The following RIMS1 variants were observed in gnomAD, a reference collection of about 807,000 sequenced individuals.
RIMS1 encodes the protein regulating synaptic membrane exocytosis protein 1.
RIMS1 carries 83 observed loss-of-function variants against 214.1 expected under a neutral mutation model. That is an observed-to-expected ratio of 0.39 (90% confidence interval 0.32 to 0.47). RIMS1 has a LOEUF of 0.47. Ranked by LOEUF, RIMS1 falls within the 20% of genes least tolerant of loss-of-function variation. RIMS1 has a pLI of 0.99. For synonymous variants in RIMS1, 793 were observed against 786.8 expected, an observed-to-expected ratio of 1.01 and a Z score of -0.13; for missense variants, 2,050 against 2,161.8, an observed-to-expected ratio of 0.95 and a Z score of 1.03.
intron 19 of RIMS1, chr6:72,261,011 G>T: frequency 7.8e-7 from 1 of 1,287,328 alleles, no homozygotes; most frequent in Non-Finnish European, 9.9e-7. Context: ...GGCCTCTCTG[G>T]GACTGTTTGC....
At chr6:72,381,899 A>C (rs1014318616) in intron 29 of RIMS1, among the ~76,000 whole-genome samples, 9 of 152,254 alleles carry the variant, frequency 5.9e-5, no homozygotes, top group Non-Finnish European at 1.2e-4. Flanking sequence ...AGTACATTGT[A>C]ACAAAATAAA....
chr6:72,247,535 CAAA>C (rs10717559), intron 11 of RIMS1, among the ~76,000 whole-genome samples: 7 of 104,000 alleles, frequency 6.7e-5, no homozygotes, highest in Admixed American at 1.0e-4. Flanking sequence ...AACTCTGTCT[CAAA>C]AAAAAAAAAA....
intron 22 of RIMS1, 197 bp downstream of exon 22, chr6:72,266,246 A>G (rs2080476269): frequency 1.7e-6 from 1 of 592,940 alleles, no homozygotes; most frequent in East Asian, 2.9e-5. Flanking sequence ...GTACACATAC[A>G]CATATTTCTA....
At chr6:72,231,362 T>C (rs1589796612) in intron 6 of RIMS1, among the ~76,000 whole-genome samples, 1 of 151,646 alleles carries the variant, frequency 6.6e-6, no homozygotes, top group East Asian at 1.9e-4. Flanking sequence ...AAGAAAACTA[T>C]TAGCCATTCA....
intron 29 of RIMS1, among the ~76,000 whole-genome samples, chr6:72,340,792 T>C (rs1433452710): frequency 6.6e-6 from 1 of 152,076 alleles, no homozygotes; most frequent in East Asian, 1.9e-4. Flanking sequence ...ATATGAACTT[T>C]AAAGTAGTTT....
chr6:72,288,272 G>A (rs959077192), intron 24 of RIMS1, among the ~76,000 whole-genome samples: 5 of 152,004 alleles, frequency 3.3e-5, no homozygotes, highest in African/African-American at 9.7e-5. Context: ...TAGTAATAAC[G>A]CTTCTTAGTG....
intron 2 of RIMS1, among the ~76,000 whole-genome samples, chr6:72,056,638 G>T (rs565738961): frequency 1.3e-5 from 2 of 152,090 alleles, no homozygotes; most frequent in African/African-American, 2.4e-5. Flanking sequence ...CCAGCCCTAT[G>T]AGTGCTGCAT....
intron 26 of RIMS1, among the ~76,000 whole-genome samples, chr6:72,303,100 C>A (rs2094796014): frequency 2.0e-5 from 3 of 150,784 alleles, no homozygotes; most frequent in Admixed American, 2.0e-4. Flanking sequence ...AAATTATAAG[C>A]GTTCTAAACT....
At chr6:71,901,642 G>C (rs1773654956) in intron 1 of RIMS1, among the ~76,000 whole-genome samples, 1 of 152,006 alleles carries the variant, frequency 6.6e-6, no homozygotes, top group Non-Finnish European at 1.5e-5. Context: ...GCTGGAAAGG[G>C]GTAGGAGGTG....
intron 2 of RIMS1, among the ~76,000 whole-genome samples, chr6:72,071,722 G>A (rs1830623137): frequency 6.6e-6 from 1 of 152,118 alleles, no homozygotes; most frequent in African/African-American, 2.4e-5. Flanking sequence ...ATAAAATAAG[G>A]AATAGAAAGA....
At chr6:72,321,061 A>G (rs2096130309) in intron 28 of RIMS1, among the ~76,000 whole-genome samples, 2 of 152,058 alleles carry the variant, frequency 1.3e-5, no homozygotes, top group Non-Finnish European at 2.9e-5. Flanking sequence ...CTAACTGTAT[A>G]CGTACTACTT....
chr6:71,952,928 CT>C (rs1790075187), intron 1 of RIMS1, among the ~76,000 whole-genome samples: 1 of 151,572 alleles, frequency 6.6e-6, no homozygotes. Context: ...TCAGGTTTGT[CT>C]CACAGTAATG....
At position 72,333,717 on chromosome 6, in the gene RIMS1, A is replaced by C; in HGVS notation, c.4248A>C (p.Ser1416=). The change falls in exon 29 of 34, where the codon TCA becomes TCC. Residue 1416 remains serine (S), a synonymous_variant. Transcript: ENST00000521978. The part of the protein sequence containing the change: ...YTLEHNDGSQ[S]DTAVGTVGAG... ...TGGAGCATAATGACGGCAGCCAGTCAGACACAGCTGTGGGTACAGTTGGAG... is the reference window on the plus strand; with the variant it reads ...TGGAGCATAATGACGGCAGCCAGTCCGACACAGCTGTGGGTACAGTTGGAG... 6.3e-7 allele frequency: 1 copy of C among 1,597,854 alleles called. No individual in the cohort carries two copies. Among genetic ancestry groups the C allele is most frequent in the Non-Finnish European group, 8.5e-7 (1 of 1,172,092 alleles).
At chr6:71,999,031 G>A (rs1004912405) in intron 2 of RIMS1, among the ~76,000 whole-genome samples, 1 of 151,838 alleles carries the variant, frequency 6.6e-6, no homozygotes, top group African/African-American at 2.4e-5. Flanking sequence ...ATTCAAGTTA[G>A]GATATTGTTA....
At chr6:71,988,844 A>G (rs1445205561) in intron 2 of RIMS1, among the ~76,000 whole-genome samples, 2 of 152,200 alleles carry the variant, frequency 1.3e-5, no homozygotes, top group Admixed American at 6.5e-5. Flanking sequence ...TTTTATGTGA[A>G]TAAAGTAATT....
chr6:72,271,288 T>TATATATATATATAC (rs2083210068), intron 22 of RIMS1, among the ~76,000 whole-genome samples: 1 of 11,422 alleles, frequency 8.8e-5, no homozygotes, highest in Non-Finnish European at 1.5e-4. Flanking sequence ...AAAAAAAAAA[T>TATATATATATATAC]ATATATATAT....
At chr6:72,366,117 T>G (rs2098007601) in intron 29 of RIMS1, among the ~76,000 whole-genome samples, 1 of 152,228 alleles carries the variant, frequency 6.6e-6, no homozygotes, top group South Asian at 2.1e-4. Flanking sequence ...TTAGAACCTT[T>G]TTTTTCTAAG....
At chr6:71,924,095 A>G (rs1184744036) in intron 1 of RIMS1, among the ~76,000 whole-genome samples, 1 of 152,162 alleles carries the variant, frequency 6.6e-6, no homozygotes, top group Admixed American at 6.5e-5. Context: ...CTTATTAGGC[A>G]CTTGCATGTT....
Position 72,274,508 on chromosome 6 carries a change from A to G in RIMS1, c.3482+76A>G. On this transcript the variant is annotated intron_variant, in intron 23 of 33. Transcript: ENST00000521978. The stretch of plus-strand genomic sequence containing the variant: ...CCACCAACTGAAGGATAACCAAGAG[A>G]AAAGTTGAATATGATGTACTTTATT... The G allele has an allele frequency of 1.3e-5, 15 of 1,152,998 alleles. No homozygotes were observed. The South Asian group carries it at 1.9e-4, about 15-fold the overall frequency. 71.4% of individuals were successfully genotyped at this position (1,152,998 alleles called of 1,614,324 possible).
Sources: allele counts gnomAD v4.1 joint callset (sites outside exome capture counted in the v4.1 genomes callset), GRCh38; gene constraint gnomAD v4.1.1; transcripts MANE v1.5; gene names NCBI Gene and HGNC (gene_info 2026-07-23, HGNC 2026-07-21).